Variants in DZIP1 observed in about 807,000 individuals in gnomAD.
DZIP1 encodes the protein DAZ interacting zinc finger protein 1, also known as cilium assembly protein DZIP1.
Under a neutral mutation model 107.6 loss-of-function variants are expected in DZIP1, and 97 were observed. That is an observed-to-expected ratio of 0.90 (90% CI 0.77 to 1.07). DZIP1 has a LOEUF of 1.07. DZIP1 is among the 50% of genes least tolerant of loss of function. The probability of loss-of-function intolerance (pLI) is 0.00; values close to 1 mark genes in which losing one functional copy is unlikely to be tolerated. For synonymous variants in DZIP1, 390 were observed against 386.4 expected, an observed-to-expected ratio of 1.01 and a Z score of -0.11; for missense variants, 1,035 against 1,063.6, an observed-to-expected ratio of 0.97 and a Z score of 0.37.
At chr13:95,583,316 A>AAGG (rs2044061555) in intron 22 of DZIP1, among the ~76,000 whole-genome samples, 1 of 151,918 alleles carries the variant, frequency 6.6e-6, no homozygotes, top group Admixed American at 6.6e-5. Context: ...AACAGTGAAG[A>AAGG]AGGCGTGAGA....
intron 5 of DZIP1, among the ~76,000 whole-genome samples, chr13:95,639,961 A>T (rs1214479083): frequency 6.6e-6 from 1 of 151,546 alleles, no homozygotes; most frequent in Non-Finnish European, 1.5e-5. Context: ...TTCTAATAAT[A>T]TTCCTAATTG....
At chr13:95,607,597 ATGGCAGAG>A (rs1263568061) in intron 13 of DZIP1, among the ~76,000 whole-genome samples, 3 of 152,324 alleles carry the variant, frequency 2.0e-5, no homozygotes, top group Admixed American at 2.0e-4. Context: ...TTGCACTACA[ATGGCAGAG>A]GTGAGTAGTT....
At chr13:95,634,381 G>A (rs972942309) in intron 5 of DZIP1, among the ~76,000 whole-genome samples, 4 of 152,104 alleles carry the variant, frequency 2.6e-5, no homozygotes, top group African/African-American at 7.2e-5. Context: ...ATATTTTCAC[G>A]TTTGTGTACT....
chr13:95,641,817 G>T lies in DZIP1; in HGVS notation c.75C>A (p.Gly25=). The part of the protein sequence containing the change: ...QKHVYYPLAS[G]PEGPDVAVAA... ...CCACAGCGACGTCGGGCCCCTCTGG[G>T]CCGCTGGCGAGCGGGTAGTAGACAT... The change falls in exon 5 of 23, where the codon GGC becomes GGA. Residue 25 remains glycine (G), a synonymous_variant. Transcript: ENST00000376829. The surrounding 1 kb of genome is among the most constrained non-coding windows in gnomAD (Gnocchi z 4.3). The T allele has an allele frequency of 6.8e-7, 1 of 1,474,922 alleles. No homozygotes were observed. Among genetic ancestry groups the T allele is most frequent in the African/African-American group, 1.5e-5 (1 of 68,648 alleles). The allele number at this position is 1,474,922 out of a possible 1,614,324, so 91.4% of individuals were successfully genotyped here.
chr13:95,622,032 C>G (rs1875931451), intron 9 of DZIP1, among the ~76,000 whole-genome samples: 1 of 152,128 alleles, frequency 6.6e-6, no homozygotes, highest in Admixed American at 6.5e-5. Flanking sequence ...CCTTCTACAC[C>G]TTTTGAAATT....
chr13:95,600,431 A>G (rs1173483810), intron 14 of DZIP1, among the ~76,000 whole-genome samples: 2 of 152,172 alleles, frequency 1.3e-5, no homozygotes, highest in African/African-American at 4.8e-5. Context: ...CCGAGTGCTC[A>G]CCAGGAGGCT....
chr13:95,642,127 G>C lies in DZIP1; in HGVS notation c.-98C>G, dbSNP rs557176018. The C allele has an allele frequency of 1.4e-4, 190 of 1,384,280 alleles. 2 individuals are homozygous for C. In the Middle Eastern group the frequency reaches 2.7e-3, roughly 20 times the overall value. The allele number at this position is 1,384,280 out of a possible 1,614,324, so 85.7% of individuals were successfully genotyped here. A position where few individuals can be genotyped will look rare whatever the true frequency, so the allele number is the denominator to read the frequency against. Reference sequence around the variant, plus strand: ...GGAGAAGGCCGGGTTCCTCGCTTCCGCGGCGGCGGCGGCCTAAGGTCTGGG... The same window carrying C: ...GGAGAAGGCCGGGTTCCTCGCTTCCCCGGCGGCGGCGGCCTAAGGTCTGGG... On this transcript the variant is annotated 5_prime_UTR_variant, in exon 4 of 23. Transcript: ENST00000376829.
intron 8 of DZIP1, among the ~76,000 whole-genome samples, chr13:95,622,973 G>C (rs1326509021): frequency 6.6e-6 from 1 of 151,840 alleles, no homozygotes; most frequent in African/African-American, 2.4e-5. Context: ...TCAAACTCCT[G>C]GGCTCACACA....
rs1397908103 is a variant in DZIP1, at chr13:95,641,419, T to C, written c.473A>G (p.Gln158Arg). 1.9e-6 allele frequency: 3 copies of C among 1,614,150 alleles called. No individual in the cohort carries two copies. The highest frequency in any genetic ancestry group is 1.1e-5 in the South Asian group (1 of 91,078). ...RLRLSHCDGEQSKKLLTKQAG... is the reference protein window; with the variant it reads ...RLRLSHCDGERSKKLLTKQAG... Reference sequence around the variant, plus strand: ...CTGCTTGGTGAGCAGCTTCTTGCTCTGCTCGCCGTCGCAGTGGCTCAGGCG... The same window carrying C: ...CTGCTTGGTGAGCAGCTTCTTGCTCCGCTCGCCGTCGCAGTGGCTCAGGCG... The change falls in exon 5 of 23, where the codon CAG (glutamine) becomes CGG (arginine). Residue 158 changes from glutamine to arginine, a missense_variant. Physicochemically the swap from Gln to Arg is conservative, Grantham distance 43 (BLOSUM62 1). Coordinates refer to ENST00000376829, the MANE Select transcript of DZIP1 (RefSeq NM_198968.4). This position sits in a 1 kb window ranked among gnomAD's most constrained non-coding sequence, Gnocchi z 4.3.
At position 95,642,163 on chromosome 13, in the gene DZIP1, G is replaced by T. The variant is rs1878613981; in HGVS notation, c.-134C>A. 3 of 1,232,776 alleles carry T rather than the reference G, an allele frequency of 2.4e-6. No individual in the cohort carries two copies. Among genetic ancestry groups the T allele is most frequent in the South Asian group, 3.6e-5 (2 of 55,954 alleles). 76.4% of individuals were successfully genotyped at this position (1,232,776 alleles called of 1,614,324 possible). A position where few individuals can be genotyped will look rare whatever the true frequency, so the allele number is the denominator to read the frequency against. ...GGCCTAAGGTCTGGGCGTCCAGGAC[G>T]TTGCTATAGCAGCGCCCAGGTCCGG... is the stretch of plus-strand genomic sequence containing the variant. On this transcript the variant is annotated 5_prime_UTR_variant, in exon 4 of 23. Coordinates refer to ENST00000376829, the MANE Select transcript of DZIP1 (RefSeq NM_198968.4).
chr13:95,638,047 A>C (rs1347639722), intron 5 of DZIP1, among the ~76,000 whole-genome samples: 1 of 148,362 alleles, frequency 6.7e-6, no homozygotes, highest in African/African-American at 2.5e-5. Flanking sequence ...ACATTTTGCT[A>C]TCTTGGAAAT....
chr13:95,587,850 G>GTT, intron 19 of DZIP1, 121 bp from the exon 20 acceptor site: 1 of 1,254,088 alleles, frequency 8.0e-7, no homozygotes, highest in East Asian at 2.5e-5. Flanking sequence ...GTGGGCACAA[G>GTT]TGCCTTTGGG....
At chr13:95,609,643 G>A (rs1189582206) in intron 12 of DZIP1, 130 bp from the exon 13 acceptor site, 1 of 487,136 alleles carries the variant, frequency 2.1e-6, no homozygotes, top group Non-Finnish European at 3.6e-6. Flanking sequence ...CACATCACCA[G>A]GAGAATAAAT....
intron 6 of DZIP1, chr13:95,630,831 G>C (rs751468149): frequency 1.0e-6 from 1 of 978,542 alleles, no homozygotes; most frequent in South Asian, 1.3e-5. Flanking sequence ...AATAATACTC[G>C]TTTCAGAGTC....
rs1594692596 is a variant in DZIP1 at position 95,611,441 on chromosome 13, T to C, written c.1363+4A>G. 1 of 1,613,206 alleles carries C rather than the reference T, an allele frequency of 6.2e-7. No homozygotes were observed. Among genetic ancestry groups the C allele is most frequent in the African/African-American group, 1.3e-5 (1 of 75,044 alleles). ...CCGCCAGTACCGGGATCCCATCCAC[T>C]TACCTTTGGGTTCACTGATACTGTT... is the stretch of plus-strand genomic sequence containing the variant. On this transcript the variant is annotated splice_donor_region_variant and intron_variant, in intron 12 of 22. Coordinates refer to ENST00000376829, the MANE Select transcript of DZIP1 (RefSeq NM_198968.4).
intron 5 of DZIP1, among the ~76,000 whole-genome samples, chr13:95,637,439 G>A (rs1236831456): frequency 6.6e-6 from 1 of 152,086 alleles, no homozygotes; most frequent in African/African-American, 2.4e-5. Context: ...AAGGCGGGGG[G>A]CCTAATCTGA....
At chr13:95,636,055 G>T (rs1877765356) in intron 5 of DZIP1, among the ~76,000 whole-genome samples, 1 of 151,846 alleles carries the variant, frequency 6.6e-6, no homozygotes, top group Non-Finnish European at 1.5e-5. Context: ...CTTACTGCAG[G>T]GGATCTATAA....
chr13:95,619,438 G>A (rs1018276209), intron 10 of DZIP1, among the ~76,000 whole-genome samples: 4 of 152,170 alleles, frequency 2.6e-5, no homozygotes, highest in African/African-American at 7.2e-5. Context: ...AATCAGTGGT[G>A]GAAGAATGGT....
intron 9 of DZIP1, 52 bp from the exon 10 acceptor site, chr13:95,619,999 T>C (rs1875626975): frequency 1.0e-5 from 16 of 1,591,728 alleles, no homozygotes; most frequent in East Asian, 2.2e-5. Flanking sequence ...ATGAGATCTA[T>C]GCAATATGGG....
Sources: gnomAD v4.1 joint callset for allele counts (sites outside exome capture counted in the v4.1 genomes callset) on GRCh38, gnomAD v4.1.1 for gene constraint, Gnocchi (gnomAD v3.1) non-coding constraint, MANE v1.5 for transcripts, NCBI Gene and HGNC (gene_info 2026-07-23, HGNC 2026-07-21) for gene names.